PRKG1: variants seen among roughly 807,000 people sequenced by gnomAD.
PRKG1 encodes cGMP-dependent protein kinase 1.
PRKG1 carries 35 observed loss-of-function variants against 88.1 expected under a neutral mutation model. The ratio of observed to expected loss-of-function variants is 0.40; its 90% CI spans 0.30 to 0.53. The LOEUF (loss-of-function observed/expected upper bound fraction) is 0.53. Ranked by LOEUF, PRKG1 falls within the 20% of genes least tolerant of loss-of-function variation. PRKG1 has a pLI of 0.59. For missense variants in PRKG1, 540 were observed against 839.8 expected, an observed-to-expected ratio of 0.64 and a Z score of 4.41; for synonymous variants, 303 against 292.5, an observed-to-expected ratio of 1.04 and a Z score of -0.37.
chr10:51,590,143 T>A (rs954386199), intron 3 of PRKG1, among the ~76,000 whole-genome samples: 7 of 152,212 alleles, frequency 4.6e-5, no homozygotes, highest in Non-Finnish European at 7.3e-5. Context: ...TAGTTGTGAC[T>A]GATTTTGAGA....
At chr10:52,128,632 A>T in intron 7 of PRKG1, 1 of 953,584 alleles carries the variant, frequency 1.0e-6, no homozygotes, top group Non-Finnish European at 1.2e-6. Flanking sequence ...CACATCTGAA[A>T]ATGTTAGAAG....
intron 5 of PRKG1, chr10:51,910,145 A>T (rs1403780156): frequency 6.6e-6 from 1 of 152,190 alleles, no homozygotes; most frequent in African/African-American, 2.4e-5. Flanking sequence ...ATCTTATTCA[A>T]GATTATTGCA....
chr10:52,151,204 T>G (rs1017842592), intron 8 of PRKG1, among the ~76,000 whole-genome samples: 3 of 152,160 alleles, frequency 2.0e-5, no homozygotes, highest in Non-Finnish European at 2.9e-5. Flanking sequence ...TAGTACCCAA[T>G]AGTTATTTTT....
chr10:51,944,582 G>A (rs1009813719), intron 5 of PRKG1, among the ~76,000 whole-genome samples: 4 of 152,116 alleles, frequency 2.6e-5, no homozygotes, highest in African/African-American at 9.7e-5. Context: ...GCTTTCTCTT[G>A]TGGGCATTTA....
chr10:52,101,862 C>A (rs1272910148), intron 7 of PRKG1, among the ~76,000 whole-genome samples: 1 of 152,128 alleles, frequency 6.6e-6, no homozygotes, highest in East Asian at 1.9e-4. Context: ...ATGATGGAAG[C>A]CCAAAATGTC....
chr10:51,329,896 T>A (rs2132525832), intron 2 of PRKG1, among the ~76,000 whole-genome samples: 1 of 151,602 alleles, frequency 6.6e-6, no homozygotes, highest in Non-Finnish European at 1.5e-5. Flanking sequence ...TGGCTTTGAT[T>A]TTTGAGTTTG....
chr10:51,364,094 T>G (rs1376359571), intron 2 of PRKG1, among the ~76,000 whole-genome samples: 1 of 151,952 alleles, frequency 6.6e-6, no homozygotes. Context: ...AGCACAAGAA[T>G]TAGATTAAAG....
chr10:52,169,979 C>T (rs1478303212), intron 9 of PRKG1, among the ~76,000 whole-genome samples: 2 of 152,032 alleles, frequency 1.3e-5, no homozygotes, highest in African/African-American at 2.4e-5. Flanking sequence ...GTTTATACCA[C>T]TTTGTGATGT....
intron 8 of PRKG1, among the ~76,000 whole-genome samples, chr10:52,155,754 C>CACACACACACACAT (rs1838077441): frequency 6.6e-6 from 1 of 151,690 alleles, no homozygotes; most frequent in Non-Finnish European, 1.5e-5. Flanking sequence ...CACACACACA[C>CACACACACACACAT]ACGTAATTTT....
intron 3 of PRKG1, among the ~76,000 whole-genome samples, chr10:51,603,709 A>G (rs1453784817): frequency 6.6e-6 from 1 of 152,226 alleles, no homozygotes; most frequent in Non-Finnish European, 1.5e-5. Flanking sequence ...CATGCAGCTT[A>G]TGATTTAGCA....
At chr10:52,056,426 T>G (rs1431166056) in intron 6 of PRKG1, among the ~76,000 whole-genome samples, 1 of 152,222 alleles carries the variant, frequency 6.6e-6, no homozygotes, top group Non-Finnish European at 1.5e-5. Flanking sequence ...GTTACCACCC[T>G]GTTAGTGCAA....
intron 3 of PRKG1, among the ~76,000 whole-genome samples, chr10:51,759,028 A>C (rs567986831): frequency 6.6e-6 from 1 of 152,202 alleles, no homozygotes; most frequent in Admixed American, 6.5e-5. Flanking sequence ...ACATGAACTC[A>C]TCCTTTTTTA....
At chr10:51,076,604 G>C (rs9414807) in intron 1 of PRKG1, among the ~76,000 whole-genome samples, 59,305 of 152,074 alleles carry the variant, frequency 0.39, 14,208 homozygotes, top group African/African-American at 0.68. Flanking sequence ...GAAGCATGTT[G>C]AAGCCAGCTG....
chr10:51,130,816 T>C (rs867748540), intron 1 of PRKG1, among the ~76,000 whole-genome samples: 43 of 151,948 alleles, frequency 2.8e-4, no homozygotes, highest in African/African-American at 8.0e-4. Flanking sequence ...GGCACACATT[T>C]GCTTGAACCC....
chr10:51,296,619 A>T (rs1385585658), intron 2 of PRKG1, among the ~76,000 whole-genome samples: 1 of 151,990 alleles, frequency 6.6e-6, no homozygotes, highest in Non-Finnish European at 1.5e-5. Context: ...ATGCTTTCAA[A>T]AAATCAACTC....
chr10:52,091,114 C>T (rs951188842), intron 7 of PRKG1, among the ~76,000 whole-genome samples: 2 of 152,064 alleles, frequency 1.3e-5, no homozygotes, highest in African/African-American at 2.4e-5. Context: ...ATGAAGGTGC[C>T]GGGCTCTTGT....
intron 2 of PRKG1, among the ~76,000 whole-genome samples, chr10:51,231,614 A>G (rs1048466543): frequency 1.1e-4 from 16 of 152,084 alleles, no homozygotes; most frequent in African/African-American, 3.9e-4. Context: ...TCTGAACATG[A>G]CCTGGCCACG....
In PRKG1 at chr10:51,747,037, G is replaced by C. The variant is rs141135745; in HGVS notation, c.593-57548G>C. Among the ~76,000 whole-genome samples the C allele has an allele frequency of 1.4e-4, 22 of 152,304 alleles. No individual in the cohort carries two copies. In the East Asian group the frequency reaches 4.1e-3, roughly 28 times the overall value. On this transcript the variant is annotated intron_variant, in intron 3 of 17. Coordinates refer to ENST00000373980, the MANE Select transcript of PRKG1 (RefSeq NM_006258.4). ...CACCAATCACAGCCAGCAACTTACA[G>C]GTACAAATCTTTGTGTGCTGTTATT...
Position 51,097,596 on chromosome 10 carries a change from C to T in PRKG1, c.311+22695C>T, listed in dbSNP as rs550457051. 5.9e-5 allele frequency among the ~76,000 whole-genome samples: 9 copies of T among 152,230 alleles called. No homozygotes were observed. In the South Asian group the frequency reaches 1.9e-3, roughly 32 times the overall value. On this transcript the variant is annotated intron_variant, in intron 1 of 17. Coordinates refer to ENST00000373980, the MANE Select transcript of PRKG1 (RefSeq NM_006258.4). ...ACAGACTGATTAGCAGCCCCACTTG[C>T]TGTTACTCCCATCTTCTTATCTCCT...
Sources: gnomAD v4.1 joint callset for allele counts (sites outside exome capture counted in the v4.1 genomes callset) on GRCh38, gnomAD v4.1.1 for gene constraint, MANE v1.5 for transcripts, NCBI Gene and HGNC (gene_info 2026-07-23, HGNC 2026-07-21) for gene names.